STK32B: variants seen among roughly 807,000 people sequenced by gnomAD.
STK32B encodes serine/threonine-protein kinase 32B.
In STK32B, 43 loss-of-function variants were observed where a neutral mutation model predicts 52.6. The ratio of observed to expected loss-of-function variants is 0.82; its 90% CI spans 0.64 to 1.05. The LOEUF is 1.05. STK32B is among the 50% of genes least tolerant of loss of function. The pLI is 0.00. For synonymous variants in STK32B, 238 were observed against 204.3 expected, an observed-to-expected ratio of 1.17 and a Z score of -1.41; for missense variants, 621 against 534.6, an observed-to-expected ratio of 1.16 and a Z score of -1.59.
intron 3 of STK32B, among the ~76,000 whole-genome samples, chr4:5,203,405 C>T (rs1448964401): frequency 6.6e-6 from 1 of 152,192 alleles, no homozygotes; most frequent in Non-Finnish European, 1.5e-5. Context: ...TCCACACCCA[C>T]TGTAGCTGTG....
intron 3 of STK32B, among the ~76,000 whole-genome samples, chr4:5,314,162 T>C (rs530748408): frequency 6.6e-6 from 1 of 151,826 alleles, no homozygotes; most frequent in South Asian, 2.1e-4. Flanking sequence ...CAATGTTAAG[T>C]TTTATTATGT....
At position 5,500,969 on chromosome 4, in the gene STK32B, T is replaced by A. The variant is rs1384529980; in HGVS notation, c.*1886T>A. 1 of 152,164 alleles carries A rather than the reference T, an allele frequency of 6.6e-6. No homozygotes were observed. The highest frequency in any genetic ancestry group is 2.4e-5 in the African/African-American group (1 of 41,450). The allele number at this position is 152,164 out of a possible 1,614,324, so 9.4% of individuals were successfully genotyped here. ...TCTGTTCAAGTTGGCATTTCTTGTT[T>A]GGAATAAACTATTTCTTGGACATTC... On this transcript the variant is annotated 3_prime_UTR_variant, in exon 12 of 12. Transcript: ENST00000282908.
intron 6 of STK32B, among the ~76,000 whole-genome samples, chr4:5,431,869 A>AC (rs1234039228): frequency 6.6e-6 from 1 of 152,018 alleles, no homozygotes; most frequent in Admixed American, 6.5e-5. Flanking sequence ...AATATAAATT[A>AC]CCCCCCAAAG....
At chr4:5,384,110 G>C (rs891084128) in intron 4 of STK32B, among the ~76,000 whole-genome samples, 9 of 152,216 alleles carry the variant, frequency 5.9e-5, no homozygotes, top group African/African-American at 2.2e-4. Flanking sequence ...TGGCTCAGCA[G>C]ACCAGTGCAG....
At chr4:5,327,012 A>G (rs757212436) in intron 3 of STK32B, among the ~76,000 whole-genome samples, 1 of 152,070 alleles carries the variant, frequency 6.6e-6, no homozygotes, top group African/African-American at 2.4e-5. Flanking sequence ...TGTGTACAGC[A>G]CCTTCATCAG....
chr4:5,043,278 C>T, the STK32B span, among the ~76,000 whole-genome samples: 3 of 152,116 alleles, frequency 2.0e-5, no homozygotes, highest in African/African-American at 7.2e-5. Flanking sequence ...CAATCCTTTC[C>T]AATAATACCT....
At chr4:5,291,171 G>A (rs140027319) in intron 3 of STK32B, among the ~76,000 whole-genome samples, 432 of 152,128 alleles carry the variant, frequency 2.8e-3, no homozygotes, top group African/African-American at 9.1e-3. Flanking sequence ...CATGTCCATA[G>A]GAATTTTAAT....
chr4:5,457,231 T>TTA (rs1383675089), intron 8 of STK32B, among the ~76,000 whole-genome samples: 1 of 146,410 alleles, frequency 6.8e-6, no homozygotes, highest in African/African-American at 2.6e-5. Context: ...TTTTTTTTTT[T>TTA]AATATACGGA....
At chr4:5,232,916 C>A (rs973072733) in intron 3 of STK32B, among the ~76,000 whole-genome samples, 1 of 143,996 alleles carries the variant, frequency 6.9e-6, no homozygotes, top group Non-Finnish European at 1.6e-5. Flanking sequence ...GCACTTATTC[C>A]CTAGCTCCTT....
intron 2 of STK32B, among the ~76,000 whole-genome samples, chr4:5,148,550 T>C (rs370690555): frequency 3.3e-5 from 5 of 151,946 alleles, no homozygotes; most frequent in African/African-American, 1.2e-4. Context: ...TGAAGCTTTT[T>C]TATTGTTATT....
At chr4:5,438,734 C>T (rs750497954) in intron 6 of STK32B, among the ~76,000 whole-genome samples, 8 of 152,188 alleles carry the variant, frequency 5.3e-5, no homozygotes, top group Admixed American at 6.5e-5. Flanking sequence ...GTATATCTCC[C>T]GATGCTATCC....
rs139812357 is a variant in STK32B, at chr4:5,325,553, A to G, written c.261-5667A>G. On this transcript the variant is annotated intron_variant, in intron 3 of 11. Transcript: ENST00000282908. Reference sequence around the variant, plus strand: ...CTTATTTTTAATTCTATTATGTTATATACATTTCACAAGTCACCTGAATCC... The same window carrying G: ...CTTATTTTTAATTCTATTATGTTATGTACATTTCACAAGTCACCTGAATCC... Among the ~76,000 whole-genome samples, 3 of 152,252 alleles carry G rather than the reference A, an allele frequency of 2.0e-5. No homozygotes were observed. The East Asian group carries it at 5.8e-4, about 29-fold the overall frequency.
chr4:5,072,086 T>C (rs1711819612), intron 1 of STK32B, among the ~76,000 whole-genome samples: 1 of 152,188 alleles, frequency 6.6e-6, no homozygotes, highest in Non-Finnish European at 1.5e-5. Flanking sequence ...TAGATTCTGA[T>C]ATAAATTTAT....
intron 3 of STK32B, among the ~76,000 whole-genome samples, chr4:5,290,320 C>T (rs549695203): frequency 0.11 from 16,214 of 152,084 alleles, 894 homozygotes; most frequent in South Asian, 0.17. Flanking sequence ...AATAACACAA[C>T]GTAAAACACA....
At chr4:5,365,180 A>C (rs1474892927) in intron 4 of STK32B, among the ~76,000 whole-genome samples, 1 of 152,188 alleles carries the variant, frequency 6.6e-6, no homozygotes, top group Non-Finnish European at 1.5e-5. Context: ...TCGGGCCAAA[A>C]AATATTATCT....
the STK32B span, among the ~76,000 whole-genome samples, chr4:5,022,647 G>A: frequency 1.3e-5 from 2 of 152,214 alleles, no homozygotes; most frequent in African/African-American, 4.8e-5. Flanking sequence ...ATCGGGCACG[G>A]ACCCCATCAT....
intron 1 of STK32B, among the ~76,000 whole-genome samples, chr4:5,136,467 T>C (rs993318466): frequency 6.6e-6 from 1 of 152,186 alleles, no homozygotes; most frequent in Non-Finnish European, 1.5e-5. Context: ...GCCCAAGCAG[T>C]GCTTGTGGCT....
intron 3 of STK32B, among the ~76,000 whole-genome samples, chr4:5,328,230 C>G (rs1031662314): frequency 4.6e-5 from 7 of 152,224 alleles, no homozygotes; most frequent in Non-Finnish European, 7.3e-5. Flanking sequence ...GTTTGGCTTT[C>G]ATGTCTTACA....
intron 3 of STK32B, among the ~76,000 whole-genome samples, chr4:5,268,880 T>C (rs1293834568): frequency 6.6e-6 from 1 of 152,044 alleles, no homozygotes; most frequent in Non-Finnish European, 1.5e-5. Flanking sequence ...AGCAATAGTT[T>C]GGAAGAAACT....
Sources: allele counts gnomAD v4.1 joint callset (sites outside exome capture counted in the v4.1 genomes callset), GRCh38; gene constraint gnomAD v4.1.1; transcripts MANE v1.5; gene names NCBI Gene and HGNC (gene_info 2026-07-23, HGNC 2026-07-21).